The following MZT1 variants were observed in gnomAD, a reference collection of about 807,000 sequenced individuals.
MZT1 encodes mitotic-spindle organizing protein 1.
A neutral mutation model predicts 8.5 loss-of-function variants in MZT1; 8 were observed. The observed-to-expected ratio is 0.94, with a 90% CI of 0.55 to 1.70. The LOEUF is 1.70. Among genes scored for constraint, MZT1 ranks in the 40% most tolerant of loss-of-function variants. The pLI is 0.00. For synonymous variants in MZT1, 38 were observed against 42.0 expected, an observed-to-expected ratio of 0.90 and a Z score of 0.37; for missense variants, 93 against 108.6, an observed-to-expected ratio of 0.86 and a Z score of 0.64.
chr13:72,715,738 T>A (rs2032529020), intron 2 of MZT1, among the ~76,000 whole-genome samples: 1 of 152,096 alleles, frequency 6.6e-6, no homozygotes, highest in African/African-American at 2.4e-5. Context: ...CCTCACTCTC[T>A]CCCTCTCTTG....
At chr13:72,712,849 C>T (rs2032501219) in intron 2 of MZT1, among the ~76,000 whole-genome samples, 1 of 152,112 alleles carries the variant, frequency 6.6e-6, no homozygotes, top group African/African-American at 2.4e-5. Context: ...ATGTTAATTC[C>T]CTTTCAAATT....
At position 72,726,755 on chromosome 13, in the gene MZT1, A is replaced by AC. The variant is rs1312296852; in HGVS notation, c.79+768_79+769insG. 4.0e-5 allele frequency among the ~76,000 whole-genome samples: 6 copies of AC among 151,444 alleles called. No individual in the cohort carries two copies. In the South Asian group the frequency reaches 8.4e-4, roughly 21 times the overall value. On this transcript the variant is annotated intron_variant, in intron 1 of 2. Transcript: ENST00000377818. The stretch of plus-strand genomic sequence containing the variant: ...GGTTTTATTTTACAGAAAAAAAAAA[A>AC]AAAAAAACTAAACAGGCTCAATGAT...
chr13:72,716,010 T>G (rs935035015), intron 2 of MZT1, among the ~76,000 whole-genome samples: 1 of 152,026 alleles, frequency 6.6e-6, no homozygotes, highest in African/African-American at 2.4e-5. Flanking sequence ...CTCCGCCTCT[T>G]GGGTTCAAGT....
intron 2 of MZT1, among the ~76,000 whole-genome samples, chr13:72,717,349 T>TC (rs2032546132): frequency 5.3e-5 from 8 of 151,498 alleles, no homozygotes; most frequent in Non-Finnish European, 2.9e-5. Flanking sequence ...TTTTTTTTTT[T>TC]TTTTTTTTAG....
intron 1 of MZT1, among the ~76,000 whole-genome samples, chr13:72,725,113 A>C (rs1187381487): frequency 1.3e-5 from 2 of 152,070 alleles, no homozygotes; most frequent in East Asian, 3.9e-4. Flanking sequence ...ATCAAAATTA[A>C]AATTCAGATG....
At chr13:72,725,505 T>C (rs1333051185) in intron 1 of MZT1, among the ~76,000 whole-genome samples, 1 of 151,234 alleles carries the variant, frequency 6.6e-6, no homozygotes, top group Non-Finnish European at 1.5e-5. Context: ...TCACAAATGC[T>C]ACCATTGAGG....
intron 2 of MZT1, among the ~76,000 whole-genome samples, chr13:72,717,781 A>C (rs1272964539): frequency 6.6e-6 from 1 of 151,964 alleles, no homozygotes; most frequent in Non-Finnish European, 1.5e-5. Flanking sequence ...TCTCGAAAAA[A>C]CTCTGAAGCT....
At chr13:72,724,752 A>ATATATGTATATGTGTGTG (rs1180726488) in intron 1 of MZT1, among the ~76,000 whole-genome samples, 1 of 56,856 alleles carries the variant, frequency 1.8e-5, no homozygotes, top group African/African-American at 5.0e-5. Context: ...ACATATATAT[A>ATATATGTATATGTGTGTG]TGTAAAGTGG....
chr13:72,726,211 C>A (rs1256129806), intron 1 of MZT1, among the ~76,000 whole-genome samples: 1 of 152,136 alleles, frequency 6.6e-6, no homozygotes, highest in Non-Finnish European at 1.5e-5. Context: ...ATGTGGATCA[C>A]CTGAAGTCAG....
intron 2 of MZT1, among the ~76,000 whole-genome samples, chr13:72,715,919 G>T (rs1385035160): frequency 1.3e-5 from 2 of 151,464 alleles, no homozygotes; most frequent in Non-Finnish European, 2.9e-5. Context: ...CGGTTTTTTT[G>T]TTTTTGTTTT....
chr13:72,727,117 C>A (rs2032675909), intron 1 of MZT1, among the ~76,000 whole-genome samples: 1 of 152,232 alleles, frequency 6.6e-6, no homozygotes, highest in South Asian at 2.1e-4. Context: ...CCTTGGGGAC[C>A]CCCGAAGCGC....
chr13:72,718,234 C>A lies in MZT1; in HGVS notation c.225+718G>T, dbSNP rs530007586. On this transcript the variant is annotated intron_variant, in intron 2 of 2. Coordinates refer to ENST00000377818, the MANE Select transcript of MZT1 (RefSeq NM_001071775.3). ...CTTAACTTTCCTTGGCTATTTGTGT[C>A]CAAATTTCTCTTCTAAGGCCACCAA... is the stretch of plus-strand genomic sequence containing the variant. 3.3e-5 allele frequency among the ~76,000 whole-genome samples: 5 copies of A among 152,270 alleles called. No individual in the cohort carries two copies. The East Asian group carries it at 9.7e-4, about 29-fold the overall frequency.
chr13:72,719,361 G>A (rs1267567450), intron 1 of MZT1, among the ~76,000 whole-genome samples: 1 of 152,068 alleles, frequency 6.6e-6, no homozygotes, highest in Admixed American at 6.6e-5. Flanking sequence ...TATCTAACAT[G>A]TATCCACCAT....
chr13:72,711,896 A>C (rs926746953), intron 2 of MZT1, among the ~76,000 whole-genome samples: 3 of 152,186 alleles, frequency 2.0e-5, no homozygotes, highest in African/African-American at 7.2e-5. Context: ...TCCAGGGAGA[A>C]GCAAACCGAT....
At chr13:72,724,752 A>ATATATATATATATATATATATATGTGTG (rs1180726488) in intron 1 of MZT1, among the ~76,000 whole-genome samples, 1 of 56,854 alleles carries the variant, frequency 1.8e-5, no homozygotes, top group Non-Finnish European at 3.7e-5. Context: ...ACATATATAT[A>ATATATATATATATATATATATATGTGTG]TGTAAAGTGG....
At chr13:72,714,448 G>C (rs2032515525) in intron 2 of MZT1, among the ~76,000 whole-genome samples, 1 of 152,062 alleles carries the variant, frequency 6.6e-6, no homozygotes, top group African/African-American at 2.4e-5. Context: ...GGGCTGCAAA[G>C]CAACCACTTG....
At position 72,710,150 on chromosome 13, in the gene MZT1, C is replaced by G; in HGVS notation, c.*172G>C. On this transcript the variant is annotated 3_prime_UTR_variant, in exon 3 of 3. Transcript: ENST00000377818. Reference sequence around the variant, plus strand: ...ATGTAAACACATCTGATAGTTCTCTCTGTAAGCCACTTTCCACTGATTTAT... The same window carrying G: ...ATGTAAACACATCTGATAGTTCTCTGTGTAAGCCACTTTCCACTGATTTAT... 1.6e-6 allele frequency: 1 copy of G among 627,238 alleles called. No homozygotes were observed. Among genetic ancestry groups the G allele is most frequent in the Non-Finnish European group, 2.8e-6 (1 of 356,510 alleles). 38.9% of individuals were successfully genotyped at this position (627,238 alleles called of 1,614,324 possible). A position where few individuals can be genotyped will look rare whatever the true frequency, so the allele number is the denominator to read the frequency against.
intron 1 of MZT1, among the ~76,000 whole-genome samples, chr13:72,725,003 T>C (rs926346076): frequency 6.8e-6 from 1 of 147,792 alleles, no homozygotes; most frequent in Admixed American, 6.8e-5. Context: ...GAGGCGGAGG[T>C]TGCAGTGAGC....
In MZT1 at chr13:72,727,523, C is replaced by A. The variant is rs1431531590; in HGVS notation, c.79+1G>T. 5 of 1,613,676 alleles carry A rather than the reference C, an allele frequency of 3.1e-6. No homozygotes were observed. The highest frequency in any genetic ancestry group is 4.2e-6 in the Non-Finnish European group (5 of 1,179,782). Reference sequence around the variant, plus strand: ...GTAAAGGGAGCGCAACGGAAACTCACCGTCCATGGTCTCCCGCACCGCATT... The same window carrying A: ...GTAAAGGGAGCGCAACGGAAACTCAACGTCCATGGTCTCCCGCACCGCATT... On this transcript the variant is annotated splice_donor_variant, in intron 1 of 2. Transcript: ENST00000377818. LOFTEE classifies it high-confidence loss of function.
Sources: allele counts gnomAD v4.1 joint callset (sites outside exome capture counted in the v4.1 genomes callset), GRCh38; gene constraint gnomAD v4.1.1; transcripts MANE v1.5; gene names NCBI Gene and HGNC (gene_info 2026-07-23, HGNC 2026-07-21).